The following LINGO2 variants were observed in gnomAD, a reference collection of about 807,000 sequenced individuals.
LINGO2 encodes leucine rich repeat and Ig domain containing 2.
In LINGO2, 14 loss-of-function variants were observed where a neutral mutation model predicts 30.6. The observed-to-expected ratio is 0.46, with a 90% CI of 0.30 to 0.72. LINGO2 has a LOEUF of 0.72. Ranked by LOEUF, LINGO2 falls within the 30% of genes least tolerant of loss-of-function variation. LINGO2 has a pLI of 0.07. For synonymous variants in LINGO2, 317 were observed against 288.5 expected, an observed-to-expected ratio of 1.10 and a Z score of -1.00; for missense variants, 729 against 751.7, an observed-to-expected ratio of 0.97 and a Z score of 0.35.
intron 4 of LINGO2, among the ~76,000 whole-genome samples, chr9:28,229,234 T>C (rs890990483): frequency 6.6e-6 from 1 of 151,858 alleles, no homozygotes; most frequent in South Asian, 2.1e-4. Flanking sequence ...ATTTTGTTCT[T>C]ATTTCATTAA....
At chr9:28,550,881 G>C (rs1031286236) in intron 1 of LINGO2, among the ~76,000 whole-genome samples, 2 of 151,640 alleles carry the variant, frequency 1.3e-5, no homozygotes, top group African/African-American at 4.8e-5. Context: ...ATATTATTTT[G>C]GATTACATAT....
chr9:28,711,119 T>C, the LINGO2 span, among the ~76,000 whole-genome samples: 5 of 152,112 alleles, frequency 3.3e-5, no homozygotes, highest in African/African-American at 1.2e-4. Context: ...TTAGGTATTT[T>C]AGGTAAAAAA....
intron 5 of LINGO2, among the ~76,000 whole-genome samples, chr9:28,012,016 G>C (rs1264325202): frequency 6.6e-6 from 1 of 152,126 alleles, no homozygotes; most frequent in Non-Finnish European, 1.5e-5. Context: ...TTCATCTAGG[G>C]TGCAGTGGAA....
the LINGO2 span, among the ~76,000 whole-genome samples, chr9:29,198,045 T>C: frequency 6.6e-6 from 1 of 152,144 alleles, no homozygotes; most frequent in South Asian, 2.1e-4. Context: ...CTGTAATTCC[T>C]TCCAAGAGGC....
chr9:28,959,208 G>A, the LINGO2 span, among the ~76,000 whole-genome samples: 3 of 85,740 alleles, frequency 3.5e-5, no homozygotes, highest in Admixed American at 3.7e-4. Flanking sequence ...CTATGAGACT[G>A]AGGGTAGAGA....
chr9:28,925,782 C>A, the LINGO2 span, among the ~76,000 whole-genome samples: 1 of 152,144 alleles, frequency 6.6e-6, no homozygotes, highest in Non-Finnish European at 1.5e-5. Context: ...CTATAGAAGA[C>A]AAATAAATTG....
intron 1 of LINGO2, among the ~76,000 whole-genome samples, chr9:28,487,396 G>A (rs1564234620): frequency 6.6e-6 from 1 of 152,100 alleles, no homozygotes; most frequent in Non-Finnish European, 1.5e-5. Context: ...ACTTGAATAA[G>A]CCTGATATGA....
In LINGO2 at chr9:28,147,142, C is replaced by T. The variant is rs1306663834; in HGVS notation, c.-86-134737G>A. The stretch of plus-strand genomic sequence containing the variant: ...TGTATGTTGAAGTGAAGACCTCCTT[C>T]GAGGTGTTCATGTGCTTATTACAGA... On this transcript the variant is annotated intron_variant, in intron 4 of 5. Transcript: ENST00000379992. The surrounding 1 kb of genome is among the most constrained non-coding windows in gnomAD (Gnocchi z 4.7). 2.0e-5 allele frequency among the ~76,000 whole-genome samples: 3 copies of T among 152,264 alleles called. No individual in the cohort carries two copies. Among genetic ancestry groups the T allele is most frequent in the South Asian group, 2.1e-4 (1 of 4,818 alleles).
chr9:28,653,898 T>C (rs1043642154), intron 1 of LINGO2, among the ~76,000 whole-genome samples: 2 of 152,256 alleles, frequency 1.3e-5, no homozygotes, highest in South Asian at 2.1e-4. Flanking sequence ...CCTGGAGTAG[T>C]ATTTTAAAAC....
At position 28,264,292 on chromosome 9, in the gene LINGO2, G is replaced by A. The variant is rs571003854; in HGVS notation, c.-87+30916C>T. Among the ~76,000 whole-genome samples the A allele has an allele frequency of 8.6e-5, 13 of 152,004 alleles. No homozygotes were observed. In the South Asian group the frequency reaches 1.0e-3, roughly 12 times the overall value. On this transcript the variant is annotated intron_variant, in intron 4 of 5. Transcript: ENST00000379992. ...TTTAAATGGTAAAACCATAAATAACGTAGGTTCCAGGAAAAAAGGGGGTAC... is the reference window on the plus strand; with the variant it reads ...TTTAAATGGTAAAACCATAAATAACATAGGTTCCAGGAAAAAAGGGGGTAC...
chr9:28,916,691 C>T, the LINGO2 span, among the ~76,000 whole-genome samples: 1 of 152,198 alleles, frequency 6.6e-6, no homozygotes, highest in Non-Finnish European at 1.5e-5. Context: ...TAAAACCAAG[C>T]TGTAGCCCAA....
At chr9:28,916,585 C>A in the LINGO2 span, among the ~76,000 whole-genome samples, 1 of 152,118 alleles carries the variant, frequency 6.6e-6, no homozygotes, top group African/African-American at 2.4e-5. Context: ...GCCACACCCC[C>A]ATCCCTACAC....
At chr9:29,053,100 T>A in the LINGO2 span, among the ~76,000 whole-genome samples, 1 of 152,140 alleles carries the variant, frequency 6.6e-6, no homozygotes, top group African/African-American at 2.4e-5. Flanking sequence ...AGTGTCAGGA[T>A]GTTGCAAGCA....
intron 4 of LINGO2, among the ~76,000 whole-genome samples, chr9:28,107,354 C>A (rs1812725840): frequency 1.3e-5 from 2 of 152,042 alleles, no homozygotes; most frequent in Admixed American, 1.3e-4. Flanking sequence ...TTATTTTGTC[C>A]ATTTTTCTTT....
the LINGO2 span, chr9:28,888,934 A>T: frequency 1.9e-6 from 1 of 533,162 alleles, no homozygotes; most frequent in African/African-American, 1.9e-5. Context: ...TAGGAGACTC[A>T]CAAGTTCCTG....
the LINGO2 span, among the ~76,000 whole-genome samples, chr9:29,017,125 T>A: frequency 2.0e-5 from 3 of 152,184 alleles, no homozygotes; most frequent in African/African-American, 2.4e-5. Flanking sequence ...TTAATCAGGA[T>A]TAATTTGAAT....
At chr9:28,545,085 G>T (rs940577559) in intron 1 of LINGO2, among the ~76,000 whole-genome samples, 4 of 151,962 alleles carry the variant, frequency 2.6e-5, no homozygotes, top group Non-Finnish European at 5.9e-5. Context: ...GATGAGCAAG[G>T]GAGGCTTGCT....
At chr9:28,323,803 A>G (rs1825131433) in intron 3 of LINGO2, among the ~76,000 whole-genome samples, 2 of 152,188 alleles carry the variant, frequency 1.3e-5, no homozygotes, top group African/African-American at 2.4e-5. Context: ...ATATATCAGA[A>G]TAAGAGGCTG....
chr9:28,687,711 C>T, the LINGO2 span, among the ~76,000 whole-genome samples: 1 of 152,064 alleles, frequency 6.6e-6, no homozygotes, highest in African/African-American at 2.4e-5. Flanking sequence ...CATGCTCAAG[C>T]TCAATAACAG....
Sources: gnomAD v4.1 joint callset for allele counts (sites outside exome capture counted in the v4.1 genomes callset) on GRCh38, gnomAD v4.1.1 for gene constraint, Gnocchi (gnomAD v3.1) non-coding constraint, MANE v1.5 for transcripts, NCBI Gene and HGNC (gene_info 2026-07-23, HGNC 2026-07-21) for gene names.